MAP4K3: variants seen among roughly 807,000 people sequenced by gnomAD.
MAP4K3 encodes MAPK/ERK kinase kinase kinase 3.
Under a neutral mutation model 143.5 loss-of-function variants are expected in MAP4K3, and 94 were observed. That is an observed-to-expected ratio of 0.65 (90% CI 0.55 to 0.78). The LOEUF (loss-of-function observed/expected upper bound fraction) is 0.78. Among genes scored for constraint, MAP4K3 ranks in the 30% least tolerant of loss-of-function variants. The pLI, the probability that MAP4K3 is intolerant of heterozygous loss-of-function variation, is 0.00. For missense variants in MAP4K3, 1,077 were observed against 1,068.1 expected (o/e 1.01, Z -0.12); for synonymous variants, 416 against 347.2 (o/e 1.20, Z -2.20).
chr2:39,267,184 C>T lies in MAP4K3; in HGVS notation c.2032+5G>A. On this transcript the variant is annotated splice_donor_5th_base_variant and intron_variant, in intron 27 of 33. Coordinates refer to ENST00000263881, the MANE Select transcript of MAP4K3 (RefSeq NM_003618.4). ...GAGCTATATGCTATTGGACAGTTTACTTACCAACACAACACTTCTGGCACC... is the reference window on the plus strand; with the variant it reads ...GAGCTATATGCTATTGGACAGTTTATTTACCAACACAACACTTCTGGCACC... 6.2e-7 allele frequency: 1 copy of T among 1,613,928 alleles called. No homozygotes were observed. Among genetic ancestry groups the T allele is most frequent in the Non-Finnish European group, 8.5e-7 (1 of 1,179,874 alleles).
At chr2:39,350,159 A>C (rs757162758) in intron 3 of MAP4K3, among the ~76,000 whole-genome samples, 1 of 152,216 alleles carries the variant, frequency 6.6e-6, no homozygotes, top group African/African-American at 2.4e-5. Context: ...TTAAGTGTTG[A>C]TAATGCCAAA....
intron 1 of MAP4K3, among the ~76,000 whole-genome samples, chr2:39,423,216 G>T (rs1034430644): frequency 6.6e-6 from 1 of 152,090 alleles, no homozygotes; most frequent in Non-Finnish European, 1.5e-5. Flanking sequence ...AAAACAATGC[G>T]GTAGCACTAC....
chr2:39,309,298 A>T (rs1682852351), intron 14 of MAP4K3, among the ~76,000 whole-genome samples, 163 bp downstream of exon 14: 1 of 152,060 alleles, frequency 6.6e-6, no homozygotes, highest in South Asian at 2.1e-4. Flanking sequence ...AAGTTTTAAC[A>T]TTTTTTTGTA....
intron 5 of MAP4K3, 67 bp downstream of exon 5, chr2:39,337,459 G>T: frequency 8.8e-7 from 1 of 1,137,372 alleles, no homozygotes; most frequent in Non-Finnish European, 1.3e-6. Context: ...TGCTGAACAG[G>T]TAATGCACAG....
intron 20 of MAP4K3, 112 bp from the exon 21 acceptor site, chr2:39,287,076 T>C (rs546209843): frequency 2.2e-5 from 13 of 578,812 alleles, no homozygotes; most frequent in Non-Finnish European, 6.0e-6. Context: ...TCATTATTCA[T>C]TTGGGATCAC....
At chr2:39,305,138 G>A (rs996249180) in intron 15 of MAP4K3, among the ~76,000 whole-genome samples, 4 of 152,110 alleles carry the variant, frequency 2.6e-5, no homozygotes, top group Non-Finnish European at 4.4e-5. Flanking sequence ...GGAGAGTGGT[G>A]GCAGCTGCGT....
intron 1 of MAP4K3, among the ~76,000 whole-genome samples, chr2:39,395,041 C>G (rs1666766652): frequency 6.6e-6 from 1 of 151,946 alleles, no homozygotes; most frequent in Admixed American, 6.6e-5. Flanking sequence ...ATTTTTAAGA[C>G]CAGATAAAAT....
chr2:39,369,205 G>GGTTTTTTTTGTTTTT (rs1553419630), intron 2 of MAP4K3, among the ~76,000 whole-genome samples: 53 of 125,378 alleles, frequency 4.2e-4, no homozygotes, highest in Non-Finnish European at 5.4e-4. Context: ...TTTTTTTTTT[G>GGTTTTTTTTGTTTTT]TTTTTTTTGA....
At chr2:39,374,686 T>C (rs1455850417) in intron 2 of MAP4K3, among the ~76,000 whole-genome samples, 2 of 150,738 alleles carry the variant, frequency 1.3e-5, no homozygotes, top group Non-Finnish European at 3.0e-5. Context: ...CATCACAAAT[T>C]AAAAAAAAAT....
At chr2:39,386,820 C>CTTT (rs56011585) in intron 1 of MAP4K3, among the ~76,000 whole-genome samples, 121,587 of 139,066 alleles carry the variant, frequency 0.87, 54,646 homozygotes, top group Non-Finnish European at 0.96. Context: ...TTTTGTTGTT[C>CTTT]TTTTTTTTTT....
chr2:39,284,864 T>A (rs1423069838), intron 21 of MAP4K3, among the ~76,000 whole-genome samples: 2 of 151,264 alleles, frequency 1.3e-5, no homozygotes, highest in Non-Finnish European at 2.9e-5. Context: ...AATAAATAAA[T>A]AAAATAAAAT....
intron 5 of MAP4K3, 51 bp from the exon 6 acceptor site, chr2:39,337,018 C>G: frequency 1.1e-6 from 1 of 939,626 alleles, no homozygotes; most frequent in South Asian, 1.5e-5. Context: ...AAAGAGCACT[C>G]TTTTGGATTT....
chr2:39,372,204 A>G (rs1053261959), intron 2 of MAP4K3, among the ~76,000 whole-genome samples: 1 of 151,604 alleles, frequency 6.6e-6, no homozygotes, highest in African/African-American at 2.4e-5. Flanking sequence ...AATAAAATAA[A>G]ATAAAACACC....
chr2:39,280,071 C>T (rs528404050), intron 23 of MAP4K3, among the ~76,000 whole-genome samples: 11 of 152,202 alleles, frequency 7.2e-5, no homozygotes, highest in Non-Finnish European at 1.6e-4. Context: ...GGTAACTATA[C>T]AGTGAAATTT....
intron 1 of MAP4K3, among the ~76,000 whole-genome samples, chr2:39,418,074 G>A (rs561696319): frequency 3.9e-4 from 59 of 152,056 alleles, no homozygotes; most frequent in Non-Finnish European, 6.8e-4. Context: ...GTGGTGGCGC[G>A]TGCCTGTAGT....
intron 12 of MAP4K3, among the ~76,000 whole-genome samples, chr2:39,317,063 C>T (rs774986251): frequency 6.6e-6 from 1 of 151,954 alleles, no homozygotes; most frequent in East Asian, 1.9e-4. Flanking sequence ...TAAAAATAGA[C>T]ATATAGACCA....
At chr2:39,330,034 T>A (rs1357229491) in intron 8 of MAP4K3, among the ~76,000 whole-genome samples, 2 of 151,972 alleles carry the variant, frequency 1.3e-5, no homozygotes, top group African/African-American at 4.8e-5. Context: ...ATAGATTAAT[T>A]TAAGTGGTCC....
intron 27 of MAP4K3, among the ~76,000 whole-genome samples, chr2:39,266,907 T>TA (rs35049893): frequency 0.68 from 99,914 of 147,288 alleles, 36,915 homozygotes; most frequent in Non-Finnish European, 0.82. Flanking sequence ...TAAAATGTGG[T>TA]AAAAAAAAAA....
intron 1 of MAP4K3, among the ~76,000 whole-genome samples, chr2:39,414,052 T>C (rs1228516628): frequency 6.6e-6 from 1 of 152,184 alleles, no homozygotes; most frequent in Non-Finnish European, 1.5e-5. Context: ...ATGATTCTCA[T>C]GGTCAGCTTT....
Sources: gnomAD v4.1 joint callset for allele counts (sites outside exome capture counted in the v4.1 genomes callset) on GRCh38, gnomAD v4.1.1 for gene constraint, MANE v1.5 for transcripts, NCBI Gene and HGNC (gene_info 2026-07-23, HGNC 2026-07-21) for gene names.